Variants in PDXDC1 observed in about 807,000 individuals in gnomAD.
PDXDC1 encodes the protein pyridoxal-dependent decarboxylase domain-containing protein 1.
In PDXDC1, 42 loss-of-function variants were observed where a neutral mutation model predicts 100.1. That is an observed-to-expected ratio of 0.42 (90% CI 0.33 to 0.54). PDXDC1 has a LOEUF of 0.54. PDXDC1 is among the 20% of genes least tolerant of loss of function. The pLI, the probability that PDXDC1 is intolerant of heterozygous loss-of-function variation, is 0.10. For missense variants in PDXDC1, 636 were observed against 979.2 expected (o/e 0.65, Z 4.68); for synonymous variants, 260 against 371.7 (o/e 0.70, Z 3.46).
chr16:15,137,313 G>A lies in PDXDC1; in HGVS notation c.1400-1566G>A, dbSNP rs2048378616. ...CCCCTACAGGTGGGGGCAGGAGGCG[G>A]CGGGGGGCCGGAGCAGAGGGACAGG... On this transcript the variant is annotated intron_variant, in intron 16 of 16. Transcript: ENST00000535621. 3.2e-6 allele frequency: 4 copies of A among 1,232,184 alleles called. No individual in the cohort carries two copies. In the Admixed American group the frequency reaches 8.0e-5, roughly 25 times the overall value. 76.3% of individuals were successfully genotyped at this position (1,232,184 alleles called of 1,614,324 possible). A position where few individuals can be genotyped will look rare whatever the true frequency, so the allele number is the denominator to read the frequency against.
intron 16 of PDXDC1, among the ~76,000 whole-genome samples, chr16:15,072,392 AAT>A (rs1462069445): frequency 2.6e-5 from 4 of 152,186 alleles, no homozygotes; most frequent in African/African-American, 7.2e-5. Context: ...ATGAGATTTT[AAT>A]AGAGAAAGGC....
chr16:15,072,896 T>A lies in PDXDC1; in HGVS notation c.1399+42840T>A. ...CGTCCACCCCAGTTTTTAGGGAAAA[T>A]TTTTGGGCAAAAACAAAGTAAGCTA... On this transcript the variant is annotated intron_variant, in intron 16 of 16. Transcript: ENST00000535621. 3 of 1,592,820 alleles carry A rather than the reference T, an allele frequency of 1.9e-6. No homozygotes were observed. The Admixed American group carries it at 5.4e-5, about 29-fold the overall frequency.
chr16:15,095,977 C>G (rs990842094), intron 16 of PDXDC1, among the ~76,000 whole-genome samples: 3 of 151,706 alleles, frequency 2.0e-5, no homozygotes, highest in African/African-American at 7.3e-5. Context: ...TACTTGAAAA[C>G]TGAGGACGGA....
intron 16 of PDXDC1, among the ~76,000 whole-genome samples, chr16:15,068,510 G>C (rs918531057): frequency 6.6e-6 from 1 of 152,180 alleles, no homozygotes; most frequent in African/African-American, 2.4e-5. Context: ...AGAAAACTTA[G>C]GAAGTAGCAG....
At chr16:15,045,394 G>A (rs547989760) in intron 16 of PDXDC1, 2 of 151,996 alleles carry the variant, frequency 1.3e-5, no homozygotes, top group Non-Finnish European at 2.9e-5. Context: ...TTGGACCCAG[G>A]AGGCAGAGGT....
chr16:15,060,013 A>T (rs953203987), intron 16 of PDXDC1: 2 of 173,252 alleles, frequency 1.2e-5, no homozygotes, highest in East Asian at 1.7e-4. Flanking sequence ...AAAAAAAACA[A>T]AACAGAAATT....
At chr16:15,064,603 C>T (rs950407096) in intron 16 of PDXDC1, among the ~76,000 whole-genome samples, 1 of 152,196 alleles carries the variant, frequency 6.6e-6, no homozygotes, top group Non-Finnish European at 1.5e-5. Flanking sequence ...GCACCATTAT[C>T]CCCATTAACC....
intron 16 of PDXDC1, chr16:15,061,944 G>A (rs767749533): frequency 5.7e-6 from 9 of 1,566,980 alleles, no homozygotes; most frequent in Non-Finnish European, 7.9e-6. Context: ...CATCACCAGT[G>A]CTGACTGAAA....
At chr16:15,022,333 T>G (rs1420118225) in intron 12 of PDXDC1, among the ~76,000 whole-genome samples, 13 of 151,990 alleles carry the variant, frequency 8.6e-5, no homozygotes, top group Non-Finnish European at 1.8e-4. Flanking sequence ...GGCAGCACTG[T>G]GCTCTTATCA....
intron 13 of PDXDC1, among the ~76,000 whole-genome samples, chr16:15,023,955 C>T (rs1454781159): frequency 6.6e-6 from 1 of 152,272 alleles, no homozygotes; most frequent in African/African-American, 2.4e-5. Flanking sequence ...AAATTATGGC[C>T]TAGATTGAGC....
intron 16 of PDXDC1, among the ~76,000 whole-genome samples, chr16:15,080,376 A>G (rs1015844580): frequency 1.3e-5 from 2 of 152,246 alleles, no homozygotes; most frequent in African/African-American, 4.8e-5. Context: ...AACTTAAAGT[A>G]TACAATTTAA....
chr16:15,127,451 G>A (rs764860146), intron 16 of PDXDC1: 12 of 1,544,598 alleles, frequency 7.8e-6, no homozygotes, highest in Non-Finnish European at 1.0e-5. Flanking sequence ...GTACTCCCCG[G>A]TCCCCAGCCC....
At chr16:15,040,387 G>C, downstream of PDXDC1, 1 of 295,510 alleles carries the variant, frequency 3.4e-6, no homozygotes, top group Non-Finnish European at 6.2e-6. Context: ...TACGGCCAGG[G>C]GTGGCTGGGT....
intron 16 of PDXDC1, chr16:15,044,229 G>T: frequency 6.9e-6 from 5 of 724,122 alleles, no homozygotes; most frequent in South Asian, 4.7e-5. Context: ...GCTCCAAGTG[G>T]GTGTGCCCTT....
At chr16:15,009,560 G>A in intron 7 of PDXDC1, 121 bp from the exon 8 acceptor site, 1 of 1,414,654 alleles carries the variant, frequency 7.1e-7, no homozygotes, top group Non-Finnish European at 9.4e-7. Context: ...AAATTGTCAA[G>A]AGTAAGAATT....
intron 16 of PDXDC1, among the ~76,000 whole-genome samples, chr16:15,129,250 C>A (rs1160902364): frequency 6.6e-6 from 1 of 151,276 alleles, no homozygotes; most frequent in Admixed American, 6.6e-5. Context: ...AGGCGGATCA[C>A]CTGAGGTCAG....
intron 16 of PDXDC1, chr16:15,072,829 G>A: frequency 2.0e-6 from 2 of 980,256 alleles, no homozygotes; most frequent in Non-Finnish European, 3.0e-6. Context: ...AAGCAGACTA[G>A]CAAGTAAGCT....
intron 16 of PDXDC1, chr16:15,133,770 TC>T: frequency 6.3e-7 from 1 of 1,589,030 alleles, no homozygotes. Context: ...ATCCCGCTGC[TC>T]CCCCTAAGCA....
chr16:15,047,398 G>A (rs757050438), intron 16 of PDXDC1: 38 of 1,281,430 alleles, frequency 3.0e-5, no homozygotes, highest in Non-Finnish European at 4.2e-5. Flanking sequence ...GTATGCGACG[G>A]TTCCAAGATC....
Sources: allele counts gnomAD v4.1 joint callset (sites outside exome capture counted in the v4.1 genomes callset), GRCh38; gene constraint gnomAD v4.1.1; transcripts MANE v1.5; gene names NCBI Gene and HGNC (gene_info 2026-07-23, HGNC 2026-07-21).